The following TJP1 variants were observed in gnomAD, a reference collection of about 807,000 sequenced individuals.
TJP1 encodes tight junction protein 1.
TJP1 carries 43 observed loss-of-function variants against 194.2 expected under a neutral mutation model. That is an observed-to-expected ratio of 0.22 (90% CI 0.17 to 0.29). TJP1 has a LOEUF of 0.29. TJP1 is among the 10% of genes least tolerant of loss of function. TJP1 has a pLI of 1.00. For synonymous variants in TJP1, 801 were observed against 779.0 expected, an observed-to-expected ratio of 1.03 and a Z score of -0.47; for missense variants, 1,971 against 2,185.7, an observed-to-expected ratio of 0.90 and a Z score of 1.96.
At position 29,719,883 on chromosome 15, in the gene TJP1, G is replaced by A. The variant is rs1280148511; in HGVS notation, c.2897C>T (p.Ser966Phe). The change falls in exon 20 of 28, where the codon TCT (serine) becomes TTT (phenylalanine). Residue 966 changes from serine to phenylalanine, a missense_variant. Around this residue, in one of 5 missense-constraint regions of TJP1, gnomAD observed 1,108 missense variants for 1,128.5 expected, o/e 0.98. Coordinates refer to ENST00000614355, the MANE Select transcript of TJP1 (RefSeq NM_001330239.4). ...TAAAGAATCAGCTTGTGGTGAGTAA[G>A]AGGTGGAAGGAGCTGGGGTGGGCTC... ...LEEPTPAPST[S>F]YSPQADSLRT... The A allele has an allele frequency of 6.2e-7, 1 of 1,614,178 alleles. No individual in the cohort carries two copies. The highest frequency in any genetic ancestry group is 8.5e-7 in the Non-Finnish European group (1 of 1,180,030).
intron 1 of TJP1, chr15:29,967,980 G>T: frequency 1.2e-6 from 1 of 868,790 alleles, no homozygotes; most frequent in Non-Finnish European, 1.4e-6. Context: ...TGGCTCCTGG[G>T]ATTCCGCATG....
At chr15:29,709,423 C>T (rs887359735) in intron 24 of TJP1, among the ~76,000 whole-genome samples, 1 of 152,172 alleles carries the variant, frequency 6.6e-6, no homozygotes, top group Non-Finnish European at 1.5e-5. Flanking sequence ...AATGGAAAAA[C>T]CGAAAAGTCT....
chr15:29,905,209 T>C (rs1254049380), intron 2 of TJP1, among the ~76,000 whole-genome samples: 2 of 152,210 alleles, frequency 1.3e-5, no homozygotes, highest in African/African-American at 4.8e-5. Flanking sequence ...CACAACAGCC[T>C]TTGGGAAAAA....
intron 3 of TJP1, 99 bp downstream of exon 3, chr15:29,773,134 A>C: frequency 7.2e-7 from 1 of 1,389,322 alleles, no homozygotes. Context: ...TGGAGTGTGA[A>C]TATGACAAAA....
rs2050441794 is a variant in TJP1 at position 29,822,231 on chromosome 15, T to C, written c.-203A>G. The C allele has an allele frequency of 2.5e-6, 3 of 1,176,878 alleles. No individual in the cohort carries two copies. The highest frequency in any genetic ancestry group is 8.7e-5 in the South Asian group (2 of 23,012). The allele number at this position is 1,176,878 out of a possible 1,614,324, so 72.9% of individuals were successfully genotyped here. ...GGAAGCGCCCGCCCCGCCCGGGTCT[T>C]CTCCACGGGGCGCGCCCGACCGGCA... On this transcript the variant is annotated 5_prime_UTR_variant, in exon 1 of 28. Transcript: ENST00000614355.
Position 29,716,787 on chromosome 15 carries a change from C to T in TJP1, c.4026G>A (p.Arg1342=), listed in dbSNP as rs921272774. The T allele has an allele frequency of 8.1e-6, 13 of 1,612,784 alleles. No individual in the cohort carries two copies. In the African/African-American group the frequency reaches 1.6e-4, roughly 20 times the overall value. ...CTTCTTCAGGGTCATAATGATTGGA[C>T]CGAACAATATCTTCAGGTGGCTTCA... The part of the protein sequence containing the change: ...PQLKPPEDIV[R]SNHYDPEEDE... Residue 1342 remains arginine (R), a synonymous_variant, in exon 23 of 28, where the codon CGG becomes CGA. Transcript: ENST00000614355.
chr15:29,782,442 G>T (rs758340193), intron 2 of TJP1, among the ~76,000 whole-genome samples: 1 of 152,086 alleles, frequency 6.6e-6, no homozygotes, highest in Non-Finnish European at 1.5e-5. Flanking sequence ...CAAGCAATGG[G>T]GAAAGGATTC....
intron 25 of TJP1, among the ~76,000 whole-genome samples, chr15:29,707,789 A>G (rs1188641593): frequency 6.6e-6 from 1 of 152,228 alleles, no homozygotes; most frequent in Non-Finnish European, 1.5e-5. Context: ...TCTTCTTAGC[A>G]TCATTGTGGA....
intron 2 of TJP1, among the ~76,000 whole-genome samples, chr15:29,895,128 A>C (rs2053437213): frequency 6.6e-6 from 1 of 152,222 alleles, no homozygotes; most frequent in East Asian, 1.9e-4. Context: ...TGTCTTCATG[A>C]CTAGCACCTG....
intron 14 of TJP1, 22 bp downstream of exon 14, chr15:29,732,609 T>C: frequency 1.2e-6 from 2 of 1,613,734 alleles, no homozygotes; most frequent in Non-Finnish European, 1.7e-6. Context: ...GGTATTAGGT[T>C]AGTCTGTAGA....
At chr15:29,959,135 G>A (rs762598717) in intron 1 of TJP1, among the ~76,000 whole-genome samples, 43 of 151,838 alleles carry the variant, frequency 2.8e-4, no homozygotes, top group Non-Finnish European at 6.2e-4. Context: ...GACTACAGGC[G>A]CTCATCACCA....
At chr15:29,775,824 C>T (rs1435100020) in intron 2 of TJP1, among the ~76,000 whole-genome samples, 1 of 151,848 alleles carries the variant, frequency 6.6e-6, no homozygotes, top group Admixed American at 6.6e-5. Context: ...ATATAGATGG[C>T]CAAAATTGAC....
At chr15:29,736,037 A>G (rs1258441657) in intron 11 of TJP1, among the ~76,000 whole-genome samples, 2 of 152,180 alleles carry the variant, frequency 1.3e-5, no homozygotes, top group Non-Finnish European at 2.9e-5. Flanking sequence ...AGGCAGGAAA[A>G]GAATAAAAAA....
At chr15:29,821,132 T>A (rs940634333) in intron 1 of TJP1, among the ~76,000 whole-genome samples, 1 of 152,148 alleles carries the variant, frequency 6.6e-6, no homozygotes, top group Admixed American at 6.5e-5. Flanking sequence ...GATGAAAAAA[T>A]TAATATACAA....
At chr15:29,888,140 G>GA (rs1341969512) in intron 2 of TJP1, among the ~76,000 whole-genome samples, 4 of 151,730 alleles carry the variant, frequency 2.6e-5, no homozygotes, top group Non-Finnish European at 5.9e-5. Flanking sequence ...AAATGTTAAA[G>GA]AAAAAATCAA....
intron 8 of TJP1, among the ~76,000 whole-genome samples, chr15:29,749,986 G>A (rs1382808167): frequency 6.6e-6 from 1 of 151,418 alleles, no homozygotes; most frequent in Non-Finnish European, 1.5e-5. Flanking sequence ...GGGATTACAG[G>A]AGCATGCCAC....
intron 5 of TJP1, among the ~76,000 whole-genome samples, chr15:29,763,767 C>CCA (rs374684534): frequency 9.0e-5 from 11 of 122,168 alleles, no homozygotes; most frequent in South Asian, 5.6e-4. Flanking sequence ...GACTCCGTCT[C>CCA]AAAAAAAAAA....
At chr15:29,808,831 C>CT (rs2049290940) in intron 1 of TJP1, among the ~76,000 whole-genome samples, 2 of 152,282 alleles carry the variant, frequency 1.3e-5, no homozygotes, top group Non-Finnish European at 1.5e-5. Context: ...GATCTACACA[C>CT]TGATCATCAA....
At chr15:29,718,200 A>AG in intron 21 of TJP1, 66 bp downstream of exon 21, 1 of 1,591,362 alleles carries the variant, frequency 6.3e-7, no homozygotes, top group Admixed American at 1.8e-5. Context: ...GTAATGGCGG[A>AG]GGGGAGAGCC....
Sources: allele counts gnomAD v4.1 joint callset (sites outside exome capture counted in the v4.1 genomes callset), GRCh38; gene constraint gnomAD v4.1.1; regional missense constraint gnomAD v4.1.1; transcripts MANE v1.5; gene names NCBI Gene and HGNC (gene_info 2026-07-23, HGNC 2026-07-21).